FAM117B: variants seen among roughly 807,000 people sequenced by gnomAD.
The protein encoded by FAM117B is protein FAM117B.
In FAM117B, 22 loss-of-function variants were observed where a neutral mutation model predicts 52.8. That is an observed-to-expected ratio of 0.42 (90% CI 0.30 to 0.59). The LOEUF (loss-of-function observed/expected upper bound fraction) is 0.59. Among genes scored for constraint, FAM117B ranks in the 20% least tolerant of loss-of-function variants. The pLI is 0.22. For missense variants in FAM117B, 678 were observed against 802.6 expected (o/e 0.84, Z 1.88); for synonymous variants, 309 against 324.1 (o/e 0.95, Z 0.50).
chr2:202,649,440 TTC>T (rs1157337515), intron 1 of FAM117B, among the ~76,000 whole-genome samples: 1 of 152,260 alleles, frequency 6.6e-6, no homozygotes, highest in Non-Finnish European at 1.5e-5. Flanking sequence ...TTACATATAA[TTC>T]TGTTTCCTCC....
chr2:202,731,358 T>TATATATATATATATATATAG, intron 4 of FAM117B, among the ~76,000 whole-genome samples: 1 of 133,070 alleles, frequency 7.5e-6, no homozygotes, highest in Non-Finnish European at 1.6e-5. Flanking sequence ...TATATATATA[T>TATATATATATATATATATAG]ATATATATAT....
chr2:202,668,629 A>G (rs1690247396), intron 1 of FAM117B, among the ~76,000 whole-genome samples: 1 of 150,182 alleles, frequency 6.7e-6, no homozygotes, highest in Admixed American at 6.6e-5. Flanking sequence ...CTAATAAATA[A>G]ATAAATAAAT....
chr2:202,688,732 A>G (rs1306152798), intron 1 of FAM117B, among the ~76,000 whole-genome samples: 1 of 152,238 alleles, frequency 6.6e-6, no homozygotes, highest in Non-Finnish European at 1.5e-5. Flanking sequence ...GATAAAATAT[A>G]CAAGAATGGG....
intron 4 of FAM117B, among the ~76,000 whole-genome samples, chr2:202,733,834 A>G (rs2105790563): frequency 6.6e-6 from 1 of 152,350 alleles, no homozygotes; most frequent in South Asian, 2.1e-4. Flanking sequence ...GAGGTGATGT[A>G]CATTCTCAGC....
At chr2:202,708,647 G>A (rs938654392) in intron 2 of FAM117B, among the ~76,000 whole-genome samples, 4 of 151,954 alleles carry the variant, frequency 2.6e-5, no homozygotes, top group African/African-American at 7.3e-5. Context: ...GTTCTGTTGC[G>A]CAGGCTGAAA....
chr2:202,761,551 A>C (rs1354112792), intron 7 of FAM117B, among the ~76,000 whole-genome samples: 1 of 151,454 alleles, frequency 6.6e-6, no homozygotes, highest in African/African-American at 2.4e-5. Flanking sequence ...CTTGAGATGG[A>C]GTTTCACTCT....
At chr2:202,643,362 A>G (rs1362294561) in intron 1 of FAM117B, among the ~76,000 whole-genome samples, 1 of 152,194 alleles carries the variant, frequency 6.6e-6, no homozygotes, top group East Asian at 1.9e-4. Flanking sequence ...TGGAAATCTC[A>G]GAAACAAGGA....
At chr2:202,689,267 C>G (rs1690587501) in intron 1 of FAM117B, among the ~76,000 whole-genome samples, 2 of 151,328 alleles carry the variant, frequency 1.3e-5, no homozygotes, top group Non-Finnish European at 3.0e-5. Context: ...ATGGCAAAAC[C>G]CCATCTCTAC....
At chr2:202,678,501 C>A (rs943598595) in intron 1 of FAM117B, among the ~76,000 whole-genome samples, 1 of 152,088 alleles carries the variant, frequency 6.6e-6, no homozygotes, top group Non-Finnish European at 1.5e-5. Flanking sequence ...AGCCATGTTG[C>A]CAGGCACATG....
chr2:202,756,484 A>G (rs1691802040), intron 5 of FAM117B, among the ~76,000 whole-genome samples: 1 of 152,194 alleles, frequency 6.6e-6, no homozygotes, highest in Admixed American at 6.5e-5. Context: ...CACAGAGTAT[A>G]TTTATTTATC....
chr2:202,732,046 C>CTTTTTTTTTTTTT (rs758181285), intron 4 of FAM117B, among the ~76,000 whole-genome samples: 3 of 134,994 alleles, frequency 2.2e-5, no homozygotes, highest in Non-Finnish European at 3.2e-5. Context: ...ATTTATTTTT[C>CTTTTTTTTTTTTT]TTTTTTTTTT....
At chr2:202,641,882 A>C (rs1002160505) in intron 1 of FAM117B, among the ~76,000 whole-genome samples, 1 of 151,322 alleles carries the variant, frequency 6.6e-6, no homozygotes, top group Non-Finnish European at 1.5e-5. Flanking sequence ...CAGGCGGTCC[A>C]TCCGCCTCGG....
chr2:202,637,612 C>T (rs1574535532), intron 1 of FAM117B, among the ~76,000 whole-genome samples: 1 of 152,310 alleles, frequency 6.6e-6, no homozygotes, highest in East Asian at 1.9e-4. Flanking sequence ...TAGATTTCCC[C>T]TCCCTGCTTC....
intron 7 of FAM117B, among the ~76,000 whole-genome samples, chr2:202,762,140 G>T (rs949515802): frequency 6.6e-6 from 1 of 152,122 alleles, no homozygotes; most frequent in Non-Finnish European, 1.5e-5. Context: ...GTAGATTGTT[G>T]GTCCCAATGT....
rs76460485 is a variant in FAM117B at position 202,734,124 on chromosome 2, A to C, written c.960+7761A>C. ...AGACTGGTGGTTGAGTAGGGCTGGG[A>C]AAGTTGGGGAGAAATGATGAACGAC... On this transcript the variant is annotated intron_variant, in intron 4 of 7. Transcript: ENST00000392238. Among the ~76,000 whole-genome samples the C allele has an allele frequency of 1.8e-3, 268 of 152,216 alleles. 1 individual carries two copies. The highest frequency in any genetic ancestry group is 6.1e-3 in the African/African-American group (252 of 41,516).
At chr2:202,668,619 CTAATAAAT>C (rs1047744290) in intron 1 of FAM117B, among the ~76,000 whole-genome samples, 3 of 108,954 alleles carry the variant, frequency 2.8e-5, no homozygotes, top group African/African-American at 5.7e-5. Flanking sequence ...GATCTTGTTC[CTAATAAAT>C]AAATAAATAA....
Position 202,729,316 on chromosome 2 carries a change from A to C in FAM117B, c.960+2953A>C, listed in dbSNP as rs1691304405. ...GCCACTGCACTCCAGCCTGGGTGAC[A>C]GAGTGAGACTCCATCTCAAAAAAAA... On this transcript the variant is annotated intron_variant, in intron 4 of 7. Coordinates refer to ENST00000392238, the MANE Select transcript of FAM117B (RefSeq NM_173511.4). 2.0e-5 allele frequency among the ~76,000 whole-genome samples: 3 copies of C among 151,534 alleles called. No homozygotes were observed. In the South Asian group the frequency reaches 6.3e-4, roughly 32 times the overall value.
chr2:202,695,493 C>G (rs1053771028), intron 1 of FAM117B, among the ~76,000 whole-genome samples: 1 of 152,084 alleles, frequency 6.6e-6, no homozygotes, highest in Non-Finnish European at 1.5e-5. Flanking sequence ...CCCTCTCAAT[C>G]GTTGGATTGA....
intron 2 of FAM117B, among the ~76,000 whole-genome samples, chr2:202,721,936 C>T (rs2105785986): frequency 6.6e-6 from 1 of 151,900 alleles, no homozygotes; most frequent in African/African-American, 2.4e-5. Flanking sequence ...GCCGCTGTGC[C>T]TGGCCTGACA....
Sources: gnomAD v4.1 joint callset for allele counts (sites outside exome capture counted in the v4.1 genomes callset) on GRCh38, gnomAD v4.1.1 for gene constraint, MANE v1.5 for transcripts, NCBI Gene and HGNC (gene_info 2026-07-23, HGNC 2026-07-21) for gene names.